Variants in RBM20 observed in about 807,000 individuals in gnomAD.
RBM20 encodes the protein RNA binding motif protein 20, also known as RNA-binding protein 20.
In RBM20, 51 loss-of-function variants were observed where a neutral mutation model predicts 110.1. The ratio of observed to expected loss-of-function variants is 0.46; its 90% CI spans 0.37 to 0.59. The LOEUF (loss-of-function observed/expected upper bound fraction) is 0.59, where lower values mean the gene tolerates loss of function less well. RBM20 is among the 20% of genes least tolerant of loss of function. RBM20 has a pLI of 0.00. For missense variants in RBM20, 1,512 were observed against 1,574.9 expected (o/e 0.96, Z 0.68); for synonymous variants, 589 against 618.2 (o/e 0.95, Z 0.70).
At chr10:110,822,553 T>C (rs1844928505) in intron 11 of RBM20, 29 of 449,070 alleles carry the variant, frequency 6.5e-5, no homozygotes, top group South Asian at 4.6e-4. Flanking sequence ...AAGCCCCGTC[T>C]TCTCTGCCAA....
chr10:110,674,279 T>C (rs1862301645), intron 1 of RBM20, among the ~76,000 whole-genome samples: 1 of 152,236 alleles, frequency 6.6e-6, no homozygotes, highest in Non-Finnish European at 1.5e-5. Context: ...TTAGAAAACC[T>C]GTACCCGTAT....
At chr10:110,761,648 C>T (rs1224721968) in intron 1 of RBM20, among the ~76,000 whole-genome samples, 1 of 152,236 alleles carries the variant, frequency 6.6e-6, no homozygotes, top group African/African-American at 2.4e-5. Flanking sequence ...TTTGTCCCCA[C>T]ACGTGGGGTG....
chr10:110,803,440 C>T (rs1180240757), intron 7 of RBM20, among the ~76,000 whole-genome samples: 2 of 152,194 alleles, frequency 1.3e-5, no homozygotes, highest in African/African-American at 4.8e-5. Flanking sequence ...CTTCAGTGTG[C>T]ATACAGATCA....
intron 13 of RBM20, among the ~76,000 whole-genome samples, chr10:110,834,319 C>A (rs1256387081): frequency 1.4e-5 from 2 of 141,962 alleles, no homozygotes; most frequent in South Asian, 4.2e-4. Context: ...TGCTCTTCTC[C>A]TAGTCAGGCT....
intron 1 of RBM20, among the ~76,000 whole-genome samples, chr10:110,707,649 AG>A (rs1319181096): frequency 2.6e-5 from 4 of 152,242 alleles, no homozygotes; most frequent in Admixed American, 1.3e-4. Flanking sequence ...AAGTGAAATA[AG>A]GTAGGCACAG....
intron 1 of RBM20, among the ~76,000 whole-genome samples, chr10:110,738,145 T>A (rs1843690689): frequency 6.6e-6 from 1 of 152,170 alleles, no homozygotes; most frequent in Non-Finnish European, 1.5e-5. Context: ...AGGTAAGTGC[T>A]GAAGAGGAAA....
intron 9 of RBM20, among the ~76,000 whole-genome samples, chr10:110,813,267 C>G (rs981160540): frequency 5.9e-5 from 9 of 152,168 alleles, no homozygotes; most frequent in African/African-American, 1.9e-4. Flanking sequence ...GCCCCAAATC[C>G]CATGGCACCT....
In RBM20 at chr10:110,650,186, G is replaced by A. The variant is rs78556387; in HGVS notation, c.191+5541G>A. 1.3e-3 allele frequency among the ~76,000 whole-genome samples: 194 copies of A among 152,316 alleles called. No homozygotes were observed. The East Asian group carries it at 0.013, about 10-fold the overall frequency. ...CCCTCCCCCCAAATAACTTGTGTGT[G>A]TTTTGGATATGTTGCATATATCCAT... On this transcript the variant is annotated intron_variant, in intron 1 of 13. Coordinates refer to ENST00000369519, the MANE Select transcript of RBM20 (RefSeq NM_001134363.3).
chr10:110,696,186 G>A (rs1481003267), intron 1 of RBM20, among the ~76,000 whole-genome samples: 2 of 152,202 alleles, frequency 1.3e-5, no homozygotes, highest in African/African-American at 2.4e-5. Flanking sequence ...AGAATTGTAC[G>A]CATCCTTATT....
chr10:110,783,344 CTT>C lies in RBM20; in HGVS notation c.1276-19_1276-18del. ...CATGGACTCAGTTCTACTTTGGTCACTTTTCTTTCCTTCTGACCTAGGACTGG... is the reference window on the plus strand; with the variant it reads ...CATGGACTCAGTTCTACTTTGGTCACTTCTTTCCTTCTGACCTAGGACTGG... On this transcript the variant is annotated intron_variant, in intron 2 of 13. Coordinates refer to ENST00000369519, the MANE Select transcript of RBM20 (RefSeq NM_001134363.3). 2 of 1,546,718 alleles carry C rather than the reference CTT, an allele frequency of 1.3e-6. No homozygotes were observed. The highest frequency in any genetic ancestry group is 1.7e-6 in the Non-Finnish European group (2 of 1,143,076).
chr10:110,782,927 A>G (rs1844372854), intron 2 of RBM20, among the ~76,000 whole-genome samples: 1 of 152,126 alleles, frequency 6.6e-6, no homozygotes, highest in Non-Finnish European at 1.5e-5. Context: ...GGAGGTGCTC[A>G]AGGATTTTGT....
rs1242944590 is a variant in RBM20, at chr10:110,837,585, C to T, written c.*1607C>T. The stretch of plus-strand genomic sequence containing the variant: ...GTTTTGTTTTGTTTTTTTTCATTTT[C>T]CTTTTTATGGCATGTGAGAGCATAC... On this transcript the variant is annotated 3_prime_UTR_variant, in exon 14 of 14. Transcript: ENST00000369519. 6.6e-6 allele frequency: 1 copy of T among 152,074 alleles called. No homozygotes were observed. Among genetic ancestry groups the T allele is most frequent in the Non-Finnish European group, 1.5e-5 (1 of 68,054 alleles). 9.4% of individuals were successfully genotyped at this position (152,074 alleles called of 1,614,324 possible). A position where few individuals can be genotyped will look rare whatever the true frequency, so the allele number is the denominator to read the frequency against.
intron 7 of RBM20, among the ~76,000 whole-genome samples, chr10:110,808,423 T>A (rs1844722461): frequency 2.6e-5 from 4 of 152,234 alleles, no homozygotes; most frequent in Admixed American, 2.6e-4. Context: ...GGCACTTTCA[T>A]GGGCTTTACA....
chr10:110,677,180 C>A (rs1160268698), intron 1 of RBM20, among the ~76,000 whole-genome samples: 1 of 152,098 alleles, frequency 6.6e-6, no homozygotes, highest in Non-Finnish European at 1.5e-5. Flanking sequence ...TAGCTCAGGC[C>A]TCTCTCCTCT....
chr10:110,757,325 G>A (rs1249484373), intron 1 of RBM20, among the ~76,000 whole-genome samples: 1 of 152,146 alleles, frequency 6.6e-6, no homozygotes, highest in Non-Finnish European at 1.5e-5. Context: ...CATGTGATAT[G>A]TTTTCCAACT....
At position 110,835,959 on chromosome 10, in the gene RBM20, T is replaced by TC; in HGVS notation, c.3666dup (p.Glu1223ArgfsTer31). The TC allele has an allele frequency of 1.5e-6, 2 of 1,316,680 alleles. No individual in the cohort carries two copies. Among genetic ancestry groups the TC allele is most frequent in the South Asian group, 1.3e-5 (1 of 77,468 alleles). 81.6% of individuals were successfully genotyped at this position (1,316,680 alleles called of 1,614,324 possible). A position where few individuals can be genotyped will look rare whatever the true frequency, so the allele number is the denominator to read the frequency against. ...GAGGACAGCGGAATCGTGCCACGCTTCGAAAGGAAAAAGCTCTGATGCTTC... is the reference window on the plus strand; with the variant it reads ...GAGGACAGCGGAATCGTGCCACGCTTCCGAAAGGAAAAAGCTCTGATGCTTC... On this transcript the variant is annotated frameshift_variant, in exon 14 of 14. Coordinates refer to ENST00000369519, the MANE Select transcript of RBM20 (RefSeq NM_001134363.3). LOFTEE classifies it high-confidence loss of function.
At chr10:110,713,967 G>A (rs1862978430) in intron 1 of RBM20, among the ~76,000 whole-genome samples, 1 of 152,180 alleles carries the variant, frequency 6.6e-6, no homozygotes, top group Admixed American at 6.5e-5. Context: ...ATCCCTAGAA[G>A]ATACATGGCC....
chr10:110,684,431 A>G (rs1257122527), intron 1 of RBM20, among the ~76,000 whole-genome samples: 1 of 146,636 alleles, frequency 6.8e-6, no homozygotes, highest in East Asian at 2.0e-4. Context: ...AAACAAAAGA[A>G]AAAGAAAAAG....
intron 1 of RBM20, among the ~76,000 whole-genome samples, chr10:110,719,428 CT>C (rs1311622187): frequency 5.3e-5 from 8 of 152,188 alleles, no homozygotes; most frequent in Admixed American, 5.2e-4. Flanking sequence ...TTCTTATTGA[CT>C]TGACAAATTC....
Sources: allele counts gnomAD v4.1 joint callset (sites outside exome capture counted in the v4.1 genomes callset), GRCh38; gene constraint gnomAD v4.1.1; transcripts MANE v1.5; gene names NCBI Gene and HGNC (gene_info 2026-07-23, HGNC 2026-07-21).